The following NDUFAF7 variants were observed in gnomAD, a reference collection of about 807,000 sequenced individuals.
NDUFAF7 encodes the protein NADH:ubiquinone oxidoreductase complex assembly factor 7, also known as protein arginine methyltransferase NDUFAF7, mitochondrial.
Under a neutral mutation model 47.2 loss-of-function variants are expected in NDUFAF7, and 48 were observed. The ratio of observed to expected loss-of-function variants is 1.02; its 90% CI spans 0.81 to 1.29. The LOEUF (loss-of-function observed/expected upper bound fraction) is 1.29. NDUFAF7 is among the 50% of genes most tolerant of loss of function. NDUFAF7 has a pLI of 0.00. For synonymous variants in NDUFAF7, 217 were observed against 190.0 expected (o/e 1.14, Z -1.17); for missense variants, 635 against 537.6 (o/e 1.18, Z -1.79).
chr2:37,231,675 T>C lies in NDUFAF7; in HGVS notation c.-31T>C, dbSNP rs770896125. The C allele has an allele frequency of 4.8e-5, 78 of 1,614,006 alleles. No homozygotes were observed. Among genetic ancestry groups the C allele is most frequent in the Non-Finnish European group, 5.8e-5 (69 of 1,179,986 alleles). ...CGGAAATGGTCTAAGCCCCAGCTCC[T>C]GGCGGAGCGAGCTAGCCTGCGAATT... On this transcript the variant is annotated 5_prime_UTR_variant, in exon 1 of 10. Coordinates refer to ENST00000002125, the MANE Select transcript of NDUFAF7 (RefSeq NM_144736.5).
At chr2:37,250,100 C>T (rs11679617), downstream of NDUFAF7, among the ~76,000 whole-genome samples, 50,093 of 151,336 alleles carry the variant, frequency 0.33, 8,989 homozygotes, top group East Asian at 0.43. Flanking sequence ...TGGCACAAGA[C>T]AGTTCTTCCA....
At chr2:37,265,980 C>T in the NDUFAF7 span, among the ~76,000 whole-genome samples, 1 of 152,114 alleles carries the variant, frequency 6.6e-6, no homozygotes, top group African/African-American at 2.4e-5. Flanking sequence ...TATTGTTTCG[C>T]TTACTAGTTG....
downstream of NDUFAF7, among the ~76,000 whole-genome samples, chr2:37,257,629 G>A (rs1668066670): frequency 7.5e-6 from 1 of 132,494 alleles, no homozygotes; most frequent in Non-Finnish European, 1.5e-5. Flanking sequence ...TTACGCCGCT[G>A]CAATCCAGCC....
At chr2:37,252,697 C>T (rs1667590108), downstream of NDUFAF7, 1 of 152,006 alleles carries the variant, frequency 6.6e-6, no homozygotes, top group Admixed American at 6.6e-5. Flanking sequence ...AGTAACATCA[C>T]ATAATGGTAA....
At chr2:37,267,966 TA>T in the NDUFAF7 span, 1 of 189,720 alleles carries the variant, frequency 5.3e-6, no homozygotes, top group Non-Finnish European at 1.1e-5. Context: ...TTCTAGAATC[TA>T]GATATAAAAA....
At chr2:37,268,262 G>T in the NDUFAF7 span, 1 of 468,012 alleles carries the variant, frequency 2.1e-6, no homozygotes, top group Non-Finnish European at 4.4e-6. Flanking sequence ...TGAAAAGACT[G>T]AACAAATGTG....
At position 37,248,660 on chromosome 2, in the gene NDUFAF7, A is replaced by ATCCCAGCACTT; in HGVS notation, c.*312_*322dup. ...CTGGGCGTGGTGGCTCATGCCTGTA[A>ATCCCAGCACTT]TCCCAGCACTTTGGGAGGCTGAGGT... On this transcript the variant is annotated 3_prime_UTR_variant, in exon 10 of 10. Transcript: ENST00000002125. 1 of 362,074 alleles carries ATCCCAGCACTT rather than the reference A, an allele frequency of 2.8e-6. No individual in the cohort carries two copies. The highest frequency in any genetic ancestry group is 5.3e-6 in the Non-Finnish European group (1 of 187,834). 22.4% of individuals were successfully genotyped at this position (362,074 alleles called of 1,614,324 possible). A position where few individuals can be genotyped will look rare whatever the true frequency, so the allele number is the denominator to read the frequency against.
At chr2:37,262,676 CT>C in the NDUFAF7 span, among the ~76,000 whole-genome samples, 3,954 of 140,426 alleles carry the variant, frequency 0.028, 160 homozygotes, top group African/African-American at 0.1. Context: ...TGGCTCTATG[CT>C]TTTTCCCCCC....
intron 4 of NDUFAF7, among the ~76,000 whole-genome samples, chr2:37,241,025 T>C (rs1265237122): frequency 1.3e-5 from 2 of 152,240 alleles, no homozygotes; most frequent in Non-Finnish European, 2.9e-5. Flanking sequence ...GCTATTGATT[T>C]TTTAGCCTTA....
At chr2:37,262,941 T>C in the NDUFAF7 span, among the ~76,000 whole-genome samples, 2 of 150,840 alleles carry the variant, frequency 1.3e-5, no homozygotes, top group Admixed American at 6.6e-5. Flanking sequence ...ATTTTGTATA[T>C]TCTTCTTTGC....
downstream of NDUFAF7, among the ~76,000 whole-genome samples, chr2:37,257,440 C>T (rs1477869280): frequency 4.0e-5 from 6 of 151,766 alleles, no homozygotes; most frequent in African/African-American, 7.3e-5. Context: ...CCGAGGCGGG[C>T]GGATCACGAG....
In NDUFAF7 at chr2:37,248,259, G is replaced by C; in HGVS notation, c.1235G>C (p.Arg412Thr). The change falls in exon 10 of 10, where the codon AGA becomes ACA. Residue 412 changes from arginine (R) to threonine (T), a missense_variant. By Grantham distance (71) the Arg-to-Thr change is moderately conservative. Transcript: ENST00000002125. ...TTTTTTGCCTTGCTACCTCATCAGA[G>C]ACTTCAAGGTGGAAGATATCAGAGG... The part of the protein sequence containing the change: ...FNFFALLPHQ[R>T]LQGGRYQRNA... 1.2e-6 allele frequency: 2 copies of C among 1,614,076 alleles called. No homozygotes were observed. Among genetic ancestry groups the C allele is most frequent in the Admixed American group, 1.7e-5 (1 of 60,016 alleles).
chr2:37,266,879 T>G, the NDUFAF7 span, among the ~76,000 whole-genome samples: 28 of 152,280 alleles, frequency 1.8e-4, no homozygotes. Flanking sequence ...TATATGATAT[T>G]CAGAAAGTGA....
downstream of NDUFAF7, chr2:37,256,628 A>ATTTTTTTTTTT (rs56389006): frequency 3.3e-6 from 4 of 1,202,296 alleles, no homozygotes; most frequent in East Asian, 9.4e-5. Flanking sequence ...CATAGCCAAA[A>ATTTTTTTTTTT]TTTTTTTTTT....
chr2:37,232,250 T>C lies in NDUFAF7; in HGVS notation c.200T>C (p.Leu67Ser). The change falls in exon 2 of 10, where the codon TTG (leucine) becomes TCG (serine). Residue 67 changes from leucine (L) to serine (S), a missense_variant. Physicochemically the swap from Leu to Ser is moderately radical, Grantham distance 145. Coordinates refer to ENST00000002125, the MANE Select transcript of NDUFAF7 (RefSeq NM_144736.5). ...ITVAEYMKEV[L>S]TNPAKGYYVY... ...GTGGCCGAGTACATGAAGGAGGTGT[T>C]GACTAATCCAGCCAAGGTATGGGTC... The C allele has an allele frequency of 6.2e-7, 1 of 1,613,108 alleles. No homozygotes were observed. The highest frequency in any genetic ancestry group is 8.5e-7 in the Non-Finnish European group (1 of 1,180,010).
downstream of NDUFAF7, chr2:37,254,346 T>G: frequency 7.4e-7 from 1 of 1,360,402 alleles, no homozygotes; most frequent in Non-Finnish European, 1.1e-6. Context: ...TACCCCAAAC[T>G]TGTGACTGCC....
the NDUFAF7 span, chr2:37,269,831 C>A: frequency 4.8e-6 from 3 of 630,466 alleles, no homozygotes; most frequent in Non-Finnish European, 8.0e-6. Context: ...TTTATGAAAA[C>A]ACAGGCTTTC....
intron 2 of NDUFAF7, among the ~76,000 whole-genome samples, chr2:37,233,078 A>T (rs979105146): frequency 6.6e-6 from 1 of 152,152 alleles, no homozygotes; most frequent in Non-Finnish European, 1.5e-5. Context: ...GGTACTAGAA[A>T]TAGAAGAGGG....
downstream of NDUFAF7, chr2:37,253,293 TG>T: frequency 6.2e-7 from 1 of 1,613,176 alleles, no homozygotes; most frequent in Non-Finnish European, 8.5e-7. Flanking sequence ...TCATGTGTAA[TG>T]TAACGTTCTC....
Sources: gnomAD v4.1 joint callset for allele counts (sites outside exome capture counted in the v4.1 genomes callset) on GRCh38, gnomAD v4.1.1 for gene constraint, MANE v1.5 for transcripts, NCBI Gene and HGNC (gene_info 2026-07-23, HGNC 2026-07-21) for gene names.